The following STXBP5L variants were observed in gnomAD, a reference collection of about 807,000 sequenced individuals.
The protein encoded by STXBP5L is syntaxin binding protein 5L.
STXBP5L carries 65 observed loss-of-function variants against 144.5 expected under a neutral mutation model. The ratio of observed to expected loss-of-function variants is 0.45; its 90% CI spans 0.37 to 0.55. The LOEUF (loss-of-function observed/expected upper bound fraction) is 0.55. Ranked by LOEUF, STXBP5L falls within the 20% of genes least tolerant of loss-of-function variation. The probability of loss-of-function intolerance (pLI) is 0.00; values close to 1 mark genes in which losing one functional copy is unlikely to be tolerated. For missense variants in STXBP5L, 1,298 were observed against 1,405.5 expected, an observed-to-expected ratio of 0.92 and a Z score of 1.22; for synonymous variants, 505 against 469.6, an observed-to-expected ratio of 1.08 and a Z score of -0.97.
chr3:121,024,099 C>T (rs910121781), intron 3 of STXBP5L, among the ~76,000 whole-genome samples: 3 of 152,014 alleles, frequency 2.0e-5, no homozygotes, highest in South Asian at 2.1e-4. Flanking sequence ...ATAAAAATTG[C>T]CCTGCGAAAG....
At chr3:121,231,810 C>T (rs2049319007) in intron 11 of STXBP5L, among the ~76,000 whole-genome samples, 1 of 152,070 alleles carries the variant, frequency 6.6e-6, no homozygotes, top group African/African-American at 2.4e-5. Flanking sequence ...GTTTCTGTGC[C>T]ATCAAAATAT....
intron 19 of STXBP5L, among the ~76,000 whole-genome samples, chr3:121,299,572 TA>T (rs1245879820): frequency 2.0e-5 from 3 of 152,058 alleles, no homozygotes; most frequent in Non-Finnish European, 2.9e-5. Context: ...AGCACAGAGT[TA>T]AAAAATAATA....
At chr3:121,346,111 G>A (rs1267011628) in intron 20 of STXBP5L, among the ~76,000 whole-genome samples, 1 of 52,768 alleles carries the variant, frequency 1.9e-5, no homozygotes, top group Non-Finnish European at 3.9e-5. Flanking sequence ...CCCCTCCCCC[G>A]ACCCCACAAC....
chr3:121,100,610 G>A (rs549189506), intron 5 of STXBP5L, among the ~76,000 whole-genome samples: 2 of 152,062 alleles, frequency 1.3e-5, no homozygotes, highest in African/African-American at 4.8e-5. Flanking sequence ...TAAGAGGAAA[G>A]TTTATAGTAC....
chr3:121,267,391 A>T (rs779224482), intron 18 of STXBP5L, among the ~76,000 whole-genome samples: 3 of 152,190 alleles, frequency 2.0e-5, no homozygotes, highest in Non-Finnish European at 2.9e-5. Flanking sequence ...CTTTCCTTAG[A>T]CCTTATACAA....
At chr3:121,015,705 CAG>C in intron 3 of STXBP5L, among the ~76,000 whole-genome samples, 1 of 152,066 alleles carries the variant, frequency 6.6e-6, no homozygotes, top group East Asian at 1.9e-4. Context: ...AAAATATACT[CAG>C]AGCATTCTCC....
chr3:120,955,866 A>G (rs1204476844), intron 3 of STXBP5L, among the ~76,000 whole-genome samples: 3 of 152,166 alleles, frequency 2.0e-5, no homozygotes, highest in African/African-American at 7.2e-5. Context: ...CACTTCAAAA[A>G]TGTTATATAA....
intron 5 of STXBP5L, among the ~76,000 whole-genome samples, chr3:121,074,453 C>T (rs2041937705): frequency 6.6e-6 from 1 of 152,054 alleles, no homozygotes; most frequent in Non-Finnish European, 1.5e-5. Context: ...ATTTAAGGAG[C>T]CAGTCTATAT....
chr3:121,282,209 T>G, intron 19 of STXBP5L: 1 of 1,540,016 alleles, frequency 6.5e-7, no homozygotes, highest in Non-Finnish European at 8.9e-7. Flanking sequence ...CACTTTAGAC[T>G]TTTTTTTCTC....
intron 3 of STXBP5L, among the ~76,000 whole-genome samples, chr3:121,007,999 TG>T (rs1314418982): frequency 2.6e-5 from 4 of 152,066 alleles, no homozygotes; most frequent in Middle Eastern, 6.3e-3. Context: ...ATTCTAAGGT[TG>T]TAATAGATAT....
chr3:121,380,568 T>C (rs1184529742), intron 21 of STXBP5L, among the ~76,000 whole-genome samples: 1 of 151,858 alleles, frequency 6.6e-6, no homozygotes, highest in Non-Finnish European at 1.5e-5. Context: ...CAAGTGTTGA[T>C]GAGAGGAGAA....
At chr3:121,174,045 A>G (rs1029069292) in intron 9 of STXBP5L, among the ~76,000 whole-genome samples, 15 of 152,290 alleles carry the variant, frequency 9.8e-5, no homozygotes, top group South Asian at 2.1e-4. Context: ...CTAGGGTCAC[A>G]TGGCATTTTA....
intron 22 of STXBP5L, among the ~76,000 whole-genome samples, chr3:121,396,288 A>G (rs2046728310): frequency 6.6e-6 from 1 of 152,206 alleles, no homozygotes; most frequent in Non-Finnish European, 1.5e-5. Context: ...TCTTTCCACT[A>G]TGGCTTGTCC....
chr3:121,368,395 C>G (rs1023539674), intron 20 of STXBP5L, among the ~76,000 whole-genome samples: 1 of 151,574 alleles, frequency 6.6e-6, no homozygotes, highest in Non-Finnish European at 1.5e-5. Context: ...GACTTTCTCC[C>G]CATCTTTCTT....
At chr3:121,353,820 A>G (rs1042519820) in intron 20 of STXBP5L, among the ~76,000 whole-genome samples, 3 of 152,136 alleles carry the variant, frequency 2.0e-5, no homozygotes, top group Admixed American at 1.3e-4. Context: ...GTGGACATTT[A>G]GTGCTATACA....
In STXBP5L at chr3:120,982,513, T is replaced by A. The variant is rs80099189; in HGVS notation, c.287+27476T>A. On this transcript the variant is annotated intron_variant, in intron 3 of 26. Coordinates refer to ENST00000471454, the MANE Select transcript of STXBP5L (RefSeq NM_001308330.2). Reference sequence around the variant, plus strand: ...TGTTATACCCCTGTCCCAGGGCTCATGACTCTCAGTTTAGTCAGACATGGT... The same window carrying A: ...TGTTATACCCCTGTCCCAGGGCTCAAGACTCTCAGTTTAGTCAGACATGGT... 3.0e-3 allele frequency among the ~76,000 whole-genome samples: 463 copies of A among 152,296 alleles called. 3 individuals are homozygous for A. Among genetic ancestry groups the A allele is most frequent in the African/African-American group, 0.01 (432 of 41,566 alleles).
At chr3:121,086,059 G>A (rs1439377964) in intron 5 of STXBP5L, among the ~76,000 whole-genome samples, 4 of 151,924 alleles carry the variant, frequency 2.6e-5, no homozygotes, top group Non-Finnish European at 4.4e-5. Flanking sequence ...AAAGCAATGG[G>A]GAAATAATTC....
At chr3:120,995,488 C>T (rs999372078) in intron 3 of STXBP5L, among the ~76,000 whole-genome samples, 2 of 151,780 alleles carry the variant, frequency 1.3e-5, no homozygotes, top group Admixed American at 6.6e-5. Context: ...CTTTTCTTAC[C>T]TTCTTGTGCA....
At chr3:121,091,655 A>T (rs1345263410) in intron 5 of STXBP5L, among the ~76,000 whole-genome samples, 1 of 152,074 alleles carries the variant, frequency 6.6e-6, no homozygotes, top group Non-Finnish European at 1.5e-5. Flanking sequence ...GTTTGAGTTC[A>T]TCATAGATTC....
Sources: allele counts gnomAD v4.1 joint callset (sites outside exome capture counted in the v4.1 genomes callset), GRCh38; gene constraint gnomAD v4.1.1; transcripts MANE v1.5; gene names NCBI Gene and HGNC (gene_info 2026-07-23, HGNC 2026-07-21).